ATP1A2: variants seen among roughly 807,000 people sequenced by gnomAD.
ATP1A2 encodes sodium/potassium-transporting ATPase subunit alpha-2.
A neutral mutation model predicts 113.1 loss-of-function variants in ATP1A2; 56 were observed. The ratio of observed to expected loss-of-function variants is 0.49; its 90% CI spans 0.40 to 0.62. The LOEUF (loss-of-function observed/expected upper bound fraction) is 0.62. Ranked by LOEUF, ATP1A2 falls within the 20% of genes least tolerant of loss-of-function variation. The pLI, the probability that ATP1A2 is intolerant of heterozygous loss-of-function variation, is 0.00. For synonymous variants in ATP1A2, 490 were observed against 526.8 expected (o/e 0.93, Z 0.96); for missense variants, 712 against 1,357.8 (o/e 0.52, Z 7.47).
intron 3 of ATP1A2, among the ~76,000 whole-genome samples, chr1:160,121,849 A>G (rs191237680): frequency 1.9e-4 from 29 of 152,340 alleles, no homozygotes; most frequent in Admixed American, 1.8e-3. Flanking sequence ...TAATCAAAAA[A>G]TGCTGGGTGT....
At chr1:160,139,607 C>A (rs763610181) in intron 20 of ATP1A2, 33 bp from the exon 21 acceptor site, 1 of 1,599,996 alleles carries the variant, frequency 6.3e-7, no homozygotes, top group Non-Finnish European at 8.6e-7. Context: ...CATGATCCCC[C>A]TTCACCTGCC....
intron 20 of ATP1A2, among the ~76,000 whole-genome samples, chr1:160,138,243 A>G (rs939032483): frequency 6.6e-5 from 10 of 152,246 alleles, no homozygotes; most frequent in Admixed American, 2.0e-4. Flanking sequence ...GAAAAGCTTT[A>G]TGAAAATAAA....
Position 160,139,734 on chromosome 1 carries a change from C to G in ATP1A2, c.2935C>G (p.Pro979Ala). 6.2e-7 allele frequency: 1 copy of G among 1,614,212 alleles called. No homozygotes were observed. Among genetic ancestry groups the G allele is most frequent in the Non-Finnish European group, 8.5e-7 (1 of 1,180,022 alleles). ...CATGGGTGTAGCCCTCCGCATGTAC[C>G]CGCTCAAGTGAGTGTCTCTTTCGGG... Reference protein sequence around the residue: ...PGMGVALRMYPLKVTWWFCAF... With the variant: ...PGMGVALRMYALKVTWWFCAF... The change falls in exon 21 of 23, where the codon CCG (proline) becomes GCG (alanine). Residue 979 changes from proline (P) to alanine (A), a missense_variant. Around this residue, in one of 6 missense-constraint regions of ATP1A2, gnomAD observed 188 missense variants for 438.9 expected, o/e 0.43. Coordinates refer to ENST00000361216, the MANE Select transcript of ATP1A2 (RefSeq NM_000702.4).
chr1:160,126,615 C>T (rs4656880), intron 7 of ATP1A2, among the ~76,000 whole-genome samples: 135,993 of 152,066 alleles, frequency 0.89, 61,078 homozygotes, highest in East Asian at 1. Flanking sequence ...ACTACAGGCG[C>T]GTGATACCAC....
intron 20 of ATP1A2, 53 bp downstream of exon 20, chr1:160,137,084 C>T (rs1470299702): frequency 6.2e-7 from 1 of 1,612,988 alleles, no homozygotes; most frequent in African/African-American, 1.3e-5. Context: ...GCACACTCAC[C>T]AACCCACACA....
Position 160,128,801 on chromosome 1 carries a change from G to A in ATP1A2, c.1167G>A (p.Met389Ile), listed in dbSNP as rs1651667488. 6.2e-7 allele frequency: 1 copy of A among 1,614,068 alleles called. No individual in the cohort carries two copies. Among genetic ancestry groups the A allele is most frequent in the Non-Finnish European group, 8.5e-7 (1 of 1,180,044 alleles). ...LTQNRMTVAH[M>I]WFDNQIHEAD... ...AGAACCGCATGACCGTCGCCCACAT[G>A]TGGTTCGACAACCAAATCCATGAGG... The change falls in exon 9 of 23, where the codon ATG (methionine) becomes ATA (isoleucine). Residue 389 changes from methionine (M) to isoleucine (I), a missense_variant. Transcript: ENST00000361216.
intron 18 of ATP1A2, 59 bp downstream of exon 18, chr1:160,136,429 A>G: frequency 6.2e-7 from 1 of 1,612,622 alleles, no homozygotes; most frequent in Non-Finnish European, 8.5e-7. Context: ...CCCAGCTTTC[A>G]GAGGAATGAG....
At chr1:160,139,555 T>A in intron 20 of ATP1A2, 85 bp from the exon 21 acceptor site, 1 of 1,179,754 alleles carries the variant, frequency 8.5e-7, no homozygotes, top group Non-Finnish European at 1.3e-6. Context: ...TTCTCTCTCC[T>A]CTTTCCCTTG....
chr1:160,128,708 C>T lies in ATP1A2; in HGVS notation c.1074C>T (p.Asn358=), dbSNP rs1558005822. Reference sequence around the variant, plus strand: ...CACGGAAGAACTGCCTGGTGAAGAACCTGGAGGCGGTGGAGACGCTGGGCT... The same window carrying T: ...CACGGAAGAACTGCCTGGTGAAGAATCTGGAGGCGGTGGAGACGCTGGGCT... ...RMARKNCLVK[N]LEAVETLGST... is the part of the protein sequence containing the mutation. Residue 358 remains asparagine, a synonymous_variant, in exon 9 of 23, where the codon AAC becomes AAT. Transcript: ENST00000361216. 2 of 1,614,128 alleles carry T rather than the reference C, an allele frequency of 1.2e-6. No individual in the cohort carries two copies. The highest frequency in any genetic ancestry group is 1.7e-6 in the Non-Finnish European group (2 of 1,180,026).
rs2070700 is a variant in ATP1A2, at chr1:160,116,165, A to C, written c.12+292A>C. On this transcript the variant is annotated intron_variant, in intron 1 of 22. Coordinates refer to ENST00000361216, the MANE Select transcript of ATP1A2 (RefSeq NM_000702.4). ...CCCTCCACCCCACTCCCACATCTCTAGTCCTTCCCTGCAGCAGTCCCTCCT... is the reference window on the plus strand; with the variant it reads ...CCCTCCACCCCACTCCCACATCTCTCGTCCTTCCCTGCAGCAGTCCCTCCT... 0.33 allele frequency among the ~76,000 whole-genome samples: 49,207 copies of C among 150,380 alleles called. 8,405 individuals are homozygous for C. Among genetic ancestry groups the C allele is most frequent in the Non-Finnish European group, 0.37 (25,354 of 67,624 alleles).
rs149490082 is a variant in ATP1A2, at chr1:160,135,737, C to T, written c.2285-102C>T. 5.0e-4 allele frequency: 808 copies of T among 1,610,348 alleles called. 3 individuals carry two copies. In the African/African-American group the frequency reaches 1.0e-2, roughly 20 times the overall value. ...AGCCCACTTTAGCTTCCCTTGAACA[C>T]AAAATCTTCCTCTCTTGGGAAGACA... On this transcript the variant is annotated intron_variant, in intron 16 of 22. Transcript: ENST00000361216. The surrounding 1 kb of genome is among the most constrained non-coding windows in gnomAD (Gnocchi z 6.3).
intron 4 of ATP1A2, 108 bp downstream of exon 4, chr1:160,123,524 A>G (rs1432922524): frequency 4.3e-6 from 6 of 1,398,860 alleles, no homozygotes; most frequent in Non-Finnish European, 5.0e-6. Context: ...TAACAGTCCT[A>G]CAGATGCCCC....
At position 160,135,942 on chromosome 1, in the gene ATP1A2, C is replaced by T. The variant is rs1247716891; in HGVS notation, c.2388C>T (p.Pro796=). 3 of 1,613,960 alleles carry T rather than the reference C, an allele frequency of 1.9e-6. No individual in the cohort carries two copies. Among genetic ancestry groups the T allele is most frequent in the African/African-American group, 2.7e-5 (2 of 74,870 alleles). Residue 796 remains proline, a synonymous_variant, in exon 17 of 23, where the codon CCC becomes CCT. Transcript: ENST00000361216. The surrounding 1 kb of genome is among the most constrained non-coding windows in gnomAD (Gnocchi z 6.3). ...TGCTGTTCATCATTGCCAACATCCCCCTACCTCTGGGCACTGTGACCATCC... is the reference window on the plus strand; with the variant it reads ...TGCTGTTCATCATTGCCAACATCCCTCTACCTCTGGGCACTGTGACCATCC... The part of the protein sequence containing the change: ...PFLLFIIANI[P]LPLGTVTILC...
chr1:160,139,391 C>G (rs1372413213), intron 20 of ATP1A2, among the ~76,000 whole-genome samples: 1 of 152,140 alleles, frequency 6.6e-6, no homozygotes, highest in Admixed American at 6.5e-5. Context: ...TCACCCAACA[C>G]CTAGAAACAA....
Position 160,141,552 on chromosome 1 carries a change from C to T in ATP1A2, c.*230C>T. The T allele has an allele frequency of 1.7e-6, 1 of 605,254 alleles. No homozygotes were observed. Among genetic ancestry groups the T allele is most frequent in the Admixed American group, 2.6e-5 (1 of 39,130 alleles). The allele number at this position is 605,254 out of a possible 1,614,324, so 37.5% of individuals were successfully genotyped here. A position where few individuals can be genotyped will look rare whatever the true frequency, so the allele number is the denominator to read the frequency against. The stretch of plus-strand genomic sequence containing the variant: ...ACACTATGTGTTAGAGTCCCCCCGA[C>T]CAGATCCTTTTCCATCCCACTCCAC... On this transcript the variant is annotated 3_prime_UTR_variant, in exon 23 of 23. Coordinates refer to ENST00000361216, the MANE Select transcript of ATP1A2 (RefSeq NM_000702.4).
intron 1 of ATP1A2, among the ~76,000 whole-genome samples, chr1:160,116,793 G>A (rs548669294): frequency 6.6e-6 from 1 of 152,310 alleles, no homozygotes; most frequent in South Asian, 2.1e-4. Context: ...CTGTGCCTAG[G>A]GGGAGCCGTG....
chr1:160,143,404 C>T lies in ATP1A2; in HGVS notation c.*2082C>T, dbSNP rs149190900. Reference sequence around the variant, plus strand: ...CATGTTTAGTCTACCAAAAACAATACTTTTCAGGCACTTTAGAAATATCCT... The same window carrying T: ...CATGTTTAGTCTACCAAAAACAATATTTTTCAGGCACTTTAGAAATATCCT... On this transcript the variant is annotated 3_prime_UTR_variant, in exon 23 of 23. Transcript: ENST00000361216. 6.5e-6 allele frequency: 1 copy of T among 152,676 alleles called. No individual in the cohort carries two copies. The highest frequency in any genetic ancestry group is 1.9e-4 in the East Asian group (1 of 5,188). The allele number at this position is 152,676 out of a possible 1,614,324, so 9.5% of individuals were successfully genotyped here.
intron 13 of ATP1A2, among the ~76,000 whole-genome samples, chr1:160,132,777 G>A (rs537973088): frequency 6.6e-6 from 1 of 152,236 alleles, no homozygotes; most frequent in Admixed American, 6.5e-5. Context: ...AGATGGTCAG[G>A]ACTGGAGATT....
Position 160,130,543 on chromosome 1 carries a change from TC to T in ATP1A2, c.1777del (p.Arg593GlyfsTer18). ...FVGLMSMIDP[P>X]RAAVPDAVGK... ...TGGGGCTCATGTCTATGATTGACCC[TC>T]CCCGGGCTGCTGTGCCAGATGCTGT... On this transcript the variant is annotated frameshift_variant, in exon 13 of 23. Transcript: ENST00000361216. LOFTEE classifies it high-confidence loss of function. 1 of 1,614,192 alleles carries T rather than the reference TC, an allele frequency of 6.2e-7. No homozygotes were observed. Among genetic ancestry groups the T allele is most frequent in the Non-Finnish European group, 8.5e-7 (1 of 1,180,028 alleles).
Sources: gnomAD v4.1 joint callset for allele counts (sites outside exome capture counted in the v4.1 genomes callset) on GRCh38, gnomAD v4.1.1 for gene constraint, gnomAD v4.1.1 regional missense constraint, Gnocchi (gnomAD v3.1) non-coding constraint, MANE v1.5 for transcripts, NCBI Gene and HGNC (gene_info 2026-07-23, HGNC 2026-07-21) for gene names.